Variants in CNTN6 observed in about 807,000 individuals in gnomAD.
CNTN6 encodes the protein contactin 6.
In CNTN6, 137 loss-of-function variants were observed where a neutral mutation model predicts 122.8. The ratio of observed to expected loss-of-function variants is 1.12; its 90% CI spans 0.97 to 1.29. The LOEUF is 1.29. Ranked by LOEUF, CNTN6 falls within the 50% of genes most tolerant of loss-of-function variation. The pLI, the probability that CNTN6 is intolerant of heterozygous loss-of-function variation, is 0.00. For synonymous variants in CNTN6, 570 were observed against 426.0 expected (o/e 1.34, Z -4.16); for missense variants, 1,634 against 1,223.4 (o/e 1.34, Z -5.01).
In CNTN6 at chr3:1,385,698, C is replaced by T; in HGVS notation, c.2605C>T (p.Leu869=). ...GNVTTKNITG[L]KANTIYFASV... Reference sequence around the variant, plus strand: ...TGTCACAACCAAAAACATCACGGGGCTGAAAGCTAATACCATCTACTTTGC... The same window carrying T: ...TGTCACAACCAAAAACATCACGGGGTTGAAAGCTAATACCATCTACTTTGC... Residue 869 remains leucine (L), a synonymous_variant, in exon 20 of 23, where the codon CTG becomes TTG. Transcript: ENST00000446702. 6.2e-7 allele frequency: 1 copy of T among 1,614,050 alleles called. No individual in the cohort carries two copies. Among genetic ancestry groups the T allele is most frequent in the Admixed American group, 1.7e-5 (1 of 60,024 alleles).
chr3:1,172,040 A>G (rs2093366935), intron 2 of CNTN6, among the ~76,000 whole-genome samples: 1 of 152,094 alleles, frequency 6.6e-6, no homozygotes, highest in African/African-American at 2.4e-5. Context: ...TGACATGGTA[A>G]CTCCTATCCC....
intron 20 of CNTN6, among the ~76,000 whole-genome samples, chr3:1,389,632 C>T (rs968860032): frequency 1.4e-5 from 2 of 143,016 alleles, no homozygotes; most frequent in African/African-American, 4.9e-5. Flanking sequence ...ATTGGATAAA[C>T]AGTCAAGACC....
intron 17 of CNTN6, among the ~76,000 whole-genome samples, 196 bp downstream of exon 17, chr3:1,377,271 C>T (rs1710011269): frequency 6.6e-6 from 1 of 152,118 alleles, no homozygotes; most frequent in African/African-American, 2.4e-5. Flanking sequence ...ATGACGAACT[C>T]AGCACAATTT....
chr3:1,262,523 G>T (rs192292392), intron 4 of CNTN6, among the ~76,000 whole-genome samples: 1 of 152,160 alleles, frequency 6.6e-6, no homozygotes, highest in Admixed American at 6.6e-5. Context: ...CTCCACCCCC[G>T]CTTTAGTTTA....
At chr3:1,312,614 CAA>C (rs5846106) in intron 7 of CNTN6, among the ~76,000 whole-genome samples, 13,048 of 137,804 alleles carry the variant, frequency 0.095, 1,825 homozygotes, top group African/African-American at 0.31. Context: ...GCCTCTTATA[CAA>C]AAAAAAAAAA....
intron 2 of CNTN6, among the ~76,000 whole-genome samples, chr3:1,210,362 G>T (rs1396167763): frequency 6.6e-6 from 1 of 151,592 alleles, no homozygotes; most frequent in Non-Finnish European, 1.5e-5. Context: ...TGTGGTAAGG[G>T]GAGGGAGAAG....
At chr3:1,266,880 G>T (rs2094934044) in intron 4 of CNTN6, among the ~76,000 whole-genome samples, 1 of 151,678 alleles carries the variant, frequency 6.6e-6, no homozygotes, top group Non-Finnish European at 1.5e-5. Flanking sequence ...CCTGGCCCAG[G>T]AGTGAATTAC....
At chr3:1,199,254 C>G (rs1180788755) in intron 2 of CNTN6, among the ~76,000 whole-genome samples, 1 of 148,666 alleles carries the variant, frequency 6.7e-6, no homozygotes, top group Non-Finnish European at 1.5e-5. Flanking sequence ...TCACAGCTCT[C>G]TGCTGCCTCA....
intron 7 of CNTN6, among the ~76,000 whole-genome samples, chr3:1,307,874 A>G (rs1342165758): frequency 1.3e-5 from 2 of 152,182 alleles, no homozygotes; most frequent in Non-Finnish European, 2.9e-5. Flanking sequence ...TAACTTTATC[A>G]TAATGATTTA....
chr3:1,202,433 G>A (rs914537566), intron 2 of CNTN6, among the ~76,000 whole-genome samples: 2 of 151,408 alleles, frequency 1.3e-5, no homozygotes, highest in Admixed American at 6.6e-5. Flanking sequence ...CCAGCTACTC[G>A]GGAGGCTGAG....
chr3:1,384,796 TAC>T (rs1168789647), intron 19 of CNTN6, among the ~76,000 whole-genome samples: 20 of 133,776 alleles, frequency 1.5e-4, no homozygotes, highest in Admixed American at 1.1e-3. Flanking sequence ...TATATATATA[TAC>T]ACACACACAC....
chr3:1,125,478 G>T (rs1353028169), intron 1 of CNTN6, among the ~76,000 whole-genome samples: 6 of 151,936 alleles, frequency 3.9e-5, no homozygotes, highest in South Asian at 4.1e-4. Context: ...AATTTCTGAA[G>T]AAAGAAGCAA....
chr3:1,104,958 T>C (rs2124985059), intron 1 of CNTN6, among the ~76,000 whole-genome samples: 1 of 152,286 alleles, frequency 6.6e-6, no homozygotes, highest in Non-Finnish European at 1.5e-5. Flanking sequence ...TTTACACAAT[T>C]TATTGAACAA....
chr3:1,098,789 C>CACACACACATATATATATATATAT (rs1211008614), intron 1 of CNTN6, among the ~76,000 whole-genome samples: 1 of 63,252 alleles, frequency 1.6e-5, no homozygotes, highest in African/African-American at 7.4e-5. Flanking sequence ...CACACACACA[C>CACACACACATATATATATATATAT]ATATATATAT....
intron 4 of CNTN6, among the ~76,000 whole-genome samples, chr3:1,246,130 G>C (rs1374932696): frequency 6.6e-6 from 1 of 152,048 alleles, no homozygotes; most frequent in Admixed American, 6.5e-5. Flanking sequence ...ATGAAGTATT[G>C]TTAAGCCAGA....
chr3:1,111,228 A>G (rs1302351839), intron 1 of CNTN6, among the ~76,000 whole-genome samples: 1 of 152,176 alleles, frequency 6.6e-6, no homozygotes, highest in African/African-American at 2.4e-5. Flanking sequence ...GGGGCCATAT[A>G]GTGAACCCCA....
chr3:1,398,130 CAT>C (rs1294012963), intron 20 of CNTN6, among the ~76,000 whole-genome samples: 4 of 152,116 alleles, frequency 2.6e-5, no homozygotes, highest in East Asian at 3.8e-4. Flanking sequence ...AATATCATGA[CAT>C]GTGTTTTGTG....
At chr3:1,295,457 C>T (rs547632729) in intron 5 of CNTN6, 144 bp from the exon 6 acceptor site, 65 of 623,232 alleles carry the variant, frequency 1.0e-4, no homozygotes, top group Non-Finnish European at 1.5e-4. Flanking sequence ...TACAATTACA[C>T]CAGATGACAG....
chr3:1,291,548 C>T (rs1393960364), intron 5 of CNTN6, among the ~76,000 whole-genome samples: 4 of 152,106 alleles, frequency 2.6e-5, no homozygotes, highest in African/African-American at 7.2e-5. Context: ...AATAAGGATC[C>T]GTAAGCTGAG....
Sources: gnomAD v4.1 joint callset for allele counts (sites outside exome capture counted in the v4.1 genomes callset) on GRCh38, gnomAD v4.1.1 for gene constraint, MANE v1.5 for transcripts, NCBI Gene and HGNC (gene_info 2026-07-23, HGNC 2026-07-21) for gene names.